PTPRT: variants seen among roughly 807,000 people sequenced by gnomAD.
The protein encoded by PTPRT is protein tyrosine phosphatase receptor type T, also known as receptor-type tyrosine-protein phosphatase T.
In PTPRT, 56 loss-of-function variants were observed where a neutral mutation model predicts 176.8. The observed-to-expected ratio is 0.32, with a 90% CI of 0.26 to 0.40. The LOEUF (loss-of-function observed/expected upper bound fraction) is 0.40. PTPRT is among the 10% of genes least tolerant of loss of function. PTPRT has a pLI of 1.00. For missense variants in PTPRT, 1,540 were observed against 1,908.2 expected, an observed-to-expected ratio of 0.81 and a Z score of 3.60; for synonymous variants, 783 against 739.0, an observed-to-expected ratio of 1.06 and a Z score of -0.96.
intron 9 of PTPRT, among the ~76,000 whole-genome samples, chr20:42,383,075 A>G (rs920176357): frequency 6.6e-6 from 1 of 152,224 alleles, no homozygotes; most frequent in South Asian, 2.1e-4. Flanking sequence ...TTTAAAAATG[A>G]ATCTGCCTGA....
At chr20:42,156,768 A>G (rs369434839) in intron 17 of PTPRT, among the ~76,000 whole-genome samples, 58 of 152,288 alleles carry the variant, frequency 3.8e-4, no homozygotes, top group African/African-American at 1.3e-3. Context: ...TCTTTTAAAT[A>G]TATTCAGAAT....
intron 6 of PTPRT, among the ~76,000 whole-genome samples, chr20:42,727,201 T>TC (rs1377565302): frequency 6.6e-6 from 1 of 151,872 alleles, no homozygotes; most frequent in Non-Finnish European, 1.5e-5. Flanking sequence ...TGGGCCTCCA[T>TC]CCCCCCCGTT....
At position 42,236,241 on chromosome 20, in the gene PTPRT, T is replaced by G. The variant is rs757067911; in HGVS notation, c.2330A>C (p.Tyr777Ser). ...TIKRRRNAYS[Y>S]SYYLKLAKKQ... ...GCTCGATACTTACAAGTAATAGGAG[T>G]AGGAATAAGCATTTCTTCTATATAT... The change falls in exon 15 of 31, where the codon TAC becomes TCC. Residue 777 changes from tyrosine to serine, a missense_variant. Coordinates refer to ENST00000373187, the MANE Select transcript of PTPRT (RefSeq NM_007050.6). The G allele has an allele frequency of 6.2e-7, 1 of 1,602,966 alleles. No individual in the cohort carries two copies.
chr20:42,674,232 A>C lies in PTPRT; in HGVS notation c.1153+3634T>G, dbSNP rs570179489. ...AGGAAGATTATCTTCTTGATGACAC[A>C]TTTTGTAAAATGTGAATTATTCAAG... On this transcript the variant is annotated intron_variant, in intron 7 of 30. Transcript: ENST00000373187. Among the ~76,000 whole-genome samples, 15 of 152,314 alleles carry C rather than the reference A, an allele frequency of 9.8e-5. No homozygotes were observed. The East Asian group carries it at 2.9e-3, about 29-fold the overall frequency.
At chr20:42,739,495 G>A (rs1274100399) in intron 6 of PTPRT, among the ~76,000 whole-genome samples, 5 of 152,074 alleles carry the variant, frequency 3.3e-5, no homozygotes, top group African/African-American at 1.2e-4. Flanking sequence ...GCATAGGAAT[G>A]GTTGCAAGAG....
chr20:42,467,917 T>C (rs1019688202), intron 8 of PTPRT, among the ~76,000 whole-genome samples: 5 of 152,138 alleles, frequency 3.3e-5, no homozygotes, highest in Non-Finnish European at 7.4e-5. Flanking sequence ...CCTAGCACAG[T>C]GTAGGTGCTC....
intron 15 of PTPRT, among the ~76,000 whole-genome samples, chr20:42,203,648 C>T (rs2055379643): frequency 6.6e-6 from 1 of 152,198 alleles, no homozygotes; most frequent in African/African-American, 2.4e-5. Flanking sequence ...TGAACATGTA[C>T]ATGTATAAGT....
intron 23 of PTPRT, among the ~76,000 whole-genome samples, chr20:42,107,314 A>G (rs549441249): frequency 2.0e-5 from 3 of 152,162 alleles, no homozygotes; most frequent in Non-Finnish European, 4.4e-5. Flanking sequence ...CAGGACAGAA[A>G]CGAGAGTCCT....
At chr20:43,088,131 G>GTGC (rs1437179427) in intron 1 of PTPRT, among the ~76,000 whole-genome samples, 3 of 152,106 alleles carry the variant, frequency 2.0e-5, no homozygotes, top group Non-Finnish European at 4.4e-5. Flanking sequence ...ACATCACTAT[G>GTGC]TGCTCCATAA....
At chr20:42,144,953 G>A (rs1337217077) in intron 17 of PTPRT, among the ~76,000 whole-genome samples, 1 of 152,172 alleles carries the variant, frequency 6.6e-6, no homozygotes, top group Non-Finnish European at 1.5e-5. Flanking sequence ...ACAGGCCAGT[G>A]CTCATGCATG....
chr20:42,650,912 C>G (rs189815294), intron 7 of PTPRT, among the ~76,000 whole-genome samples: 1 of 151,974 alleles, frequency 6.6e-6, no homozygotes, highest in Admixed American at 6.5e-5. Context: ...ATTAAGAAAC[C>G]CCAGCAATAC....
chr20:42,863,712 C>A (rs1483101533), intron 2 of PTPRT, among the ~76,000 whole-genome samples: 1 of 152,208 alleles, frequency 6.6e-6, no homozygotes, highest in East Asian at 1.9e-4. Context: ...ACCTGACTCC[C>A]TGCCCCCTAA....
At chr20:42,417,734 C>CTATT (rs751352047) in intron 9 of PTPRT, among the ~76,000 whole-genome samples, 22 of 150,770 alleles carry the variant, frequency 1.5e-4, no homozygotes, top group South Asian at 4.2e-4. Flanking sequence ...ATTTATTTGT[C>CTATT]TATTTATTTA....
intron 1 of PTPRT, among the ~76,000 whole-genome samples, chr20:43,034,215 G>A (rs1041786808): frequency 2.6e-5 from 4 of 152,202 alleles, no homozygotes; most frequent in Non-Finnish European, 4.4e-5. Context: ...CAGGCAGCCA[G>A]GTCACAATAG....
At chr20:42,566,406 G>T (rs2073040944) in intron 7 of PTPRT, among the ~76,000 whole-genome samples, 1 of 152,212 alleles carries the variant, frequency 6.6e-6, no homozygotes, top group East Asian at 1.9e-4. Context: ...AAAGTTCTGG[G>T]ATTACAGGCA....
At chr20:42,108,790 T>G (rs979038690) in intron 23 of PTPRT, among the ~76,000 whole-genome samples, 1 of 152,244 alleles carries the variant, frequency 6.6e-6, no homozygotes, top group Non-Finnish European at 1.5e-5. Flanking sequence ...TCTTAGGCAC[T>G]TAGCCAACCC....
chr20:42,852,690 A>G (rs2078496592), intron 2 of PTPRT, among the ~76,000 whole-genome samples: 1 of 152,074 alleles, frequency 6.6e-6, no homozygotes, highest in Non-Finnish European at 1.5e-5. Context: ...TCTGTTCCCC[A>G]CCAAGCCCAG....
intron 6 of PTPRT, among the ~76,000 whole-genome samples, chr20:42,735,109 A>G (rs1240028279): frequency 3.3e-5 from 5 of 152,242 alleles, no homozygotes; most frequent in Admixed American, 2.6e-4. Flanking sequence ...GTGTATTACT[A>G]TCACTATTAG....
chr20:43,094,091 C>CTTTCT (rs1276849426), intron 1 of PTPRT, among the ~76,000 whole-genome samples: 39 of 130,702 alleles, frequency 3.0e-4, no homozygotes, highest in African/African-American at 1.1e-3. Flanking sequence ...TTCTTTCTTT[C>CTTTCT]TTTTTTTTTT....
Sources: gnomAD v4.1 joint callset for allele counts (sites outside exome capture counted in the v4.1 genomes callset) on GRCh38, gnomAD v4.1.1 for gene constraint, MANE v1.5 for transcripts, NCBI Gene and HGNC (gene_info 2026-07-23, HGNC 2026-07-21) for gene names.